Variants in ADGRL2 observed in about 807,000 individuals in gnomAD.
The protein encoded by ADGRL2 is adhesion G protein-coupled receptor L2, also known as calcium-independent alpha-latrotoxin receptor 2.
A neutral mutation model predicts 157.4 loss-of-function variants in ADGRL2; 44 were observed. The ratio of observed to expected loss-of-function variants is 0.28; its 90% CI spans 0.22 to 0.36. The LOEUF (loss-of-function observed/expected upper bound fraction) is 0.36. Ranked by LOEUF, ADGRL2 falls within the 10% of genes least tolerant of loss-of-function variation. The pLI is 1.00. For missense variants in ADGRL2, 1,510 were observed against 1,768.9 expected, an observed-to-expected ratio of 0.85 and a Z score of 2.63; for synonymous variants, 585 against 624.7, an observed-to-expected ratio of 0.94 and a Z score of 0.95.
At chr1:81,401,677 G>T (rs1386285546) in intron 1 of ADGRL2, among the ~76,000 whole-genome samples, 1 of 152,292 alleles carries the variant, frequency 6.6e-6, no homozygotes, top group Non-Finnish European at 1.5e-5. Context: ...TGATTTCCAA[G>T]AAATTTTTTT....
intron 2 of ADGRL2, among the ~76,000 whole-genome samples, chr1:81,524,942 T>C (rs1264546795): frequency 6.6e-6 from 1 of 152,124 alleles, no homozygotes; most frequent in Non-Finnish European, 1.5e-5. Context: ...TATACATTTG[T>C]ATAGAATATC....
At chr1:81,962,610 C>T (rs1046813564) in intron 11 of ADGRL2, among the ~76,000 whole-genome samples, 5 of 152,048 alleles carry the variant, frequency 3.3e-5, no homozygotes, top group African/African-American at 1.2e-4. Context: ...GGATCTTATA[C>T]TTCCCTTGTA....
At chr1:81,496,030 CAT>C (rs936299265) in intron 2 of ADGRL2, among the ~76,000 whole-genome samples, 3 of 152,134 alleles carry the variant, frequency 2.0e-5, no homozygotes, top group African/African-American at 7.2e-5. Flanking sequence ...AAATCTCCCT[CAT>C]AAATTAACCA....
chr1:81,818,437 A>T (rs976491385), intron 1 of ADGRL2, among the ~76,000 whole-genome samples: 1 of 152,170 alleles, frequency 6.6e-6, no homozygotes, highest in Admixed American at 6.6e-5. Context: ...GGTTTTAAAA[A>T]TTTGACAGAA....
At chr1:81,314,735 C>T (rs1159641618) in intron 1 of ADGRL2, among the ~76,000 whole-genome samples, 1 of 152,112 alleles carries the variant, frequency 6.6e-6, no homozygotes, top group East Asian at 1.9e-4. Context: ...GTTACACATG[C>T]TGTGGCAGAA....
chr1:81,458,555 C>T (rs1373910615), intron 2 of ADGRL2, among the ~76,000 whole-genome samples: 1 of 152,210 alleles, frequency 6.6e-6, no homozygotes, highest in Non-Finnish European at 1.5e-5. Flanking sequence ...TGGACTCACA[C>T]CATCCGCTTC....
chr1:81,360,464 A>G (rs963444870), intron 1 of ADGRL2, among the ~76,000 whole-genome samples: 6 of 152,164 alleles, frequency 3.9e-5, no homozygotes, highest in Middle Eastern at 3.4e-3. Flanking sequence ...AATAATGTGT[A>G]TGCTCCTGGA....
intron 1 of ADGRL2, chr1:81,426,480 T>C: frequency 2.5e-6 from 1 of 393,706 alleles, no homozygotes; most frequent in South Asian, 1.9e-5. Context: ...TGATGCCCAG[T>C]GGCCCCAAGC....
In ADGRL2 at chr1:81,434,314, A is replaced by G. The variant is rs186016154; in HGVS notation, c.-301-10722A>G. ...TCACACATGTAATGTATTTTCAATG[A>G]AAGTTACTTATTATTTTCTGGGTAC... On this transcript the variant is annotated intron_variant, in intron 1 of 24. Transcript: ENST00000370721. 7.2e-5 allele frequency among the ~76,000 whole-genome samples: 11 copies of G among 152,312 alleles called. No individual in the cohort carries two copies. In the East Asian group the frequency reaches 2.1e-3, roughly 29 times the overall value.
chr1:81,886,669 C>G (rs2094135791), intron 2 of ADGRL2, among the ~76,000 whole-genome samples: 1 of 152,084 alleles, frequency 6.6e-6, no homozygotes, highest in Non-Finnish European at 1.5e-5. Context: ...ACTTATTCAG[C>G]ATTAATTAAT....
chr1:81,846,461 T>C (rs1390989776), intron 2 of ADGRL2, among the ~76,000 whole-genome samples: 1 of 151,476 alleles, frequency 6.6e-6, no homozygotes, highest in East Asian at 1.9e-4. Flanking sequence ...TTAGGAATTT[T>C]GGAGTTTCAA....
At chr1:81,391,325 T>C (rs1208496014) in intron 1 of ADGRL2, among the ~76,000 whole-genome samples, 5 of 152,302 alleles carry the variant, frequency 3.3e-5, no homozygotes, top group Non-Finnish European at 7.3e-5. Flanking sequence ...CTGCAGCAAG[T>C]GCTGGCATAG....
chr1:81,846,116 C>T (rs1174231698), intron 2 of ADGRL2, among the ~76,000 whole-genome samples: 1 of 151,558 alleles, frequency 6.6e-6, no homozygotes, highest in African/African-American at 2.4e-5. Context: ...TTAAACCAAC[C>T]AGTAAGAATT....
intron 2 of ADGRL2, among the ~76,000 whole-genome samples, chr1:81,852,782 A>G (rs941256867): frequency 3.3e-5 from 5 of 152,268 alleles, no homozygotes; most frequent in East Asian, 1.9e-4. Context: ...TTAGAAATAC[A>G]TACTTTCATG....
At chr1:81,436,337 C>T (rs184400670) in intron 1 of ADGRL2, among the ~76,000 whole-genome samples, 79 of 152,240 alleles carry the variant, frequency 5.2e-4, no homozygotes, top group African/African-American at 1.5e-3. Flanking sequence ...GACTCACTGA[C>T]GGGTTTGATA....
At chr1:81,348,744 G>A (rs1662661736) in intron 1 of ADGRL2, among the ~76,000 whole-genome samples, 1 of 152,112 alleles carries the variant, frequency 6.6e-6, no homozygotes, top group African/African-American at 2.4e-5. Context: ...AAATCAGGAT[G>A]ATATAAAATA....
intron 1 of ADGRL2, among the ~76,000 whole-genome samples, chr1:81,827,040 A>G (rs530572965): frequency 6.6e-6 from 1 of 152,284 alleles, no homozygotes; most frequent in Admixed American, 6.5e-5. Flanking sequence ...AAAAATATTT[A>G]CTGTAATAAT....
chr1:81,461,683 T>C (rs968006495), intron 2 of ADGRL2, among the ~76,000 whole-genome samples: 1 of 152,176 alleles, frequency 6.6e-6, no homozygotes, highest in Non-Finnish European at 1.5e-5. Flanking sequence ...AAAAAGAGGA[T>C]ACAATGTTGT....
intron 18 of ADGRL2, among the ~76,000 whole-genome samples, 162 bp from the exon 19 acceptor site, chr1:81,981,646 A>G (rs1243372513): frequency 6.6e-6 from 1 of 151,966 alleles, no homozygotes; most frequent in African/African-American, 2.4e-5. Flanking sequence ...ACTAAATGCT[A>G]TTGTTCTTTC....
Sources: gnomAD v4.1 joint callset for allele counts (sites outside exome capture counted in the v4.1 genomes callset) on GRCh38, gnomAD v4.1.1 for gene constraint, MANE v1.5 for transcripts, NCBI Gene and HGNC (gene_info 2026-07-23, HGNC 2026-07-21) for gene names.